The following CTNNBL1 variants were observed in gnomAD, a reference collection of about 807,000 sequenced individuals.
CTNNBL1 encodes beta-catenin-like protein 1.
In CTNNBL1, 31 loss-of-function variants were observed where a neutral mutation model predicts 72.7. The observed-to-expected ratio is 0.43, with a 90% CI of 0.32 to 0.58. The LOEUF is 0.58. Ranked by LOEUF, CTNNBL1 falls within the 20% of genes least tolerant of loss-of-function variation. The probability of loss-of-function intolerance (pLI) is 0.08; values close to 1 mark genes in which losing one functional copy is unlikely to be tolerated. For missense variants in CTNNBL1, 534 were observed against 725.1 expected, an observed-to-expected ratio of 0.74 and a Z score of 3.03; for synonymous variants, 240 against 267.3, an observed-to-expected ratio of 0.90 and a Z score of 1.00.
chr20:37,731,310 A>G (rs1421403319), intron 1 of CTNNBL1, among the ~76,000 whole-genome samples: 2 of 151,424 alleles, frequency 1.3e-5, no homozygotes, highest in Non-Finnish European at 2.9e-5. Context: ...ATCTCGGCTC[A>G]CCGCAACCTC....
chr20:37,710,470 C>T (rs902112084), intron 1 of CTNNBL1, among the ~76,000 whole-genome samples: 8 of 152,162 alleles, frequency 5.3e-5, no homozygotes, highest in African/African-American at 1.9e-4. Context: ...TTTTAGAGCT[C>T]TGTTGCTAGA....
intron 1 of CTNNBL1, among the ~76,000 whole-genome samples, chr20:37,704,355 C>G (rs1219778097): frequency 1.3e-5 from 2 of 152,114 alleles, no homozygotes; most frequent in East Asian, 3.9e-4. Flanking sequence ...GAGCGCTGCA[C>G]CTTCAGGAGT....
At chr20:37,726,295 G>A (rs2073084271) in intron 1 of CTNNBL1, among the ~76,000 whole-genome samples, 1 of 152,106 alleles carries the variant, frequency 6.6e-6, no homozygotes, top group Admixed American at 6.5e-5. Flanking sequence ...GTCTAAAATA[G>A]CCACTAGTCT....
intron 1 of CTNNBL1, among the ~76,000 whole-genome samples, chr20:37,708,832 A>G (rs1253464025): frequency 6.6e-6 from 1 of 152,142 alleles, no homozygotes; most frequent in Non-Finnish European, 1.5e-5. Flanking sequence ...ATCTAGAGTC[A>G]CTGAACTAAG....
intron 10 of CTNNBL1, among the ~76,000 whole-genome samples, chr20:37,785,913 T>C (rs2073669035): frequency 6.6e-6 from 1 of 152,222 alleles, no homozygotes; most frequent in South Asian, 2.1e-4. Flanking sequence ...TTAGAGAGTC[T>C]TGGGTGTTGT....
In CTNNBL1 at chr20:37,694,076, T is replaced by G. The variant is rs2072766395; in HGVS notation, c.-47T>G. ...GGAGCCGCGGCTGACGGGCCCGCGG[T>G]CTGGGCGTGAGTGCAGGGAAGTGGA... On this transcript the variant is annotated 5_prime_UTR_variant, in exon 1 of 16. Transcript: ENST00000361383. The G allele has an allele frequency of 5.7e-6, 9 of 1,589,982 alleles. No individual in the cohort carries two copies. The highest frequency in any genetic ancestry group is 2.3e-5 in the South Asian group (2 of 88,174).
chr20:37,850,917 G>C (rs908393514), intron 13 of CTNNBL1, among the ~76,000 whole-genome samples: 12 of 152,338 alleles, frequency 7.9e-5, no homozygotes, highest in South Asian at 4.1e-4. Flanking sequence ...TCAGCAAGGG[G>C]CAGCTCACTG....
intron 1 of CTNNBL1, among the ~76,000 whole-genome samples, chr20:37,698,330 C>T (rs1465140450): frequency 6.6e-6 from 1 of 152,220 alleles, no homozygotes; most frequent in African/African-American, 2.4e-5. Flanking sequence ...CCTTCCCCAT[C>T]GCAGGTTCCC....
intron 3 of CTNNBL1, among the ~76,000 whole-genome samples, chr20:37,738,601 A>G (rs1269293826): frequency 6.6e-6 from 1 of 152,212 alleles, no homozygotes. Flanking sequence ...TTAACAATTG[A>G]GTAGTACAGG....
At chr20:37,784,065 T>G (rs529114888) in intron 10 of CTNNBL1, among the ~76,000 whole-genome samples, 1 of 152,306 alleles carries the variant, frequency 6.6e-6, no homozygotes, top group East Asian at 1.9e-4. Context: ...ATTGTTATAT[T>G]CTTTTGCTGA....
chr20:37,803,398 A>G (rs2073838640), intron 11 of CTNNBL1, among the ~76,000 whole-genome samples: 1 of 152,204 alleles, frequency 6.6e-6, no homozygotes, highest in Admixed American at 6.5e-5. Flanking sequence ...TGTCACCTCC[A>G]GAGTGGTGCT....
chr20:37,720,645 A>T (rs1261089916), intron 1 of CTNNBL1, among the ~76,000 whole-genome samples: 1 of 152,212 alleles, frequency 6.6e-6, no homozygotes, highest in Non-Finnish European at 1.5e-5. Context: ...GGGTCTGTTG[A>T]CAGCAGCATG....
rs76388467 is a variant in CTNNBL1 at position 37,713,874 on chromosome 20, C to T, written c.31-19005C>T. Among the ~76,000 whole-genome samples the T allele has an allele frequency of 6.1e-3, 921 of 152,184 alleles. 10 individuals carry two copies. Among genetic ancestry groups the T allele is most frequent in the African/African-American group, 0.021 (878 of 41,512 alleles). ...ACTCGGTATCAAAGCCCACTGAGAG[C>T]CAGGCTTTGTGCTGTTCGACTTATG... is the stretch of plus-strand genomic sequence containing the variant. On this transcript the variant is annotated intron_variant, in intron 1 of 15. Coordinates refer to ENST00000361383, the MANE Select transcript of CTNNBL1 (RefSeq NM_030877.5).
intron 7 of CTNNBL1, among the ~76,000 whole-genome samples, chr20:37,774,910 T>G (rs1424393878): frequency 6.6e-6 from 1 of 152,246 alleles, no homozygotes; most frequent in Non-Finnish European, 1.5e-5. Context: ...ATTTCTTTTT[T>G]CTTTTTTTCA....
intron 1 of CTNNBL1, among the ~76,000 whole-genome samples, chr20:37,729,290 C>T (rs2073110645): frequency 6.6e-6 from 1 of 152,146 alleles, no homozygotes; most frequent in Non-Finnish European, 1.5e-5. Context: ...GGTATCCTGT[C>T]TCCCTGTTTA....
chr20:37,831,094 C>A (rs879422884), intron 11 of CTNNBL1, among the ~76,000 whole-genome samples: 2 of 152,246 alleles, frequency 1.3e-5, no homozygotes, highest in Admixed American at 1.3e-4. Context: ...AACTTTACCA[C>A]TGAAAACATG....
chr20:37,772,858 G>A (rs1386446083), intron 7 of CTNNBL1, among the ~76,000 whole-genome samples: 1 of 152,066 alleles, frequency 6.6e-6, no homozygotes, highest in Non-Finnish European at 1.5e-5. Flanking sequence ...TTTTGTACTG[G>A]TAGCCTAGCA....
chr20:37,792,400 C>T (rs898316969), intron 10 of CTNNBL1, among the ~76,000 whole-genome samples: 1 of 152,030 alleles, frequency 6.6e-6, no homozygotes, highest in African/African-American at 2.4e-5. Context: ...CCTCTAACTC[C>T]CGGACTCAAA....
intron 11 of CTNNBL1, among the ~76,000 whole-genome samples, chr20:37,837,052 A>G (rs2072260411): frequency 6.6e-6 from 1 of 152,142 alleles, no homozygotes; most frequent in Non-Finnish European, 1.5e-5. Context: ...AAGAGATCAC[A>G]GCTACTTCCA....
Sources: allele counts gnomAD v4.1 joint callset (sites outside exome capture counted in the v4.1 genomes callset), GRCh38; gene constraint gnomAD v4.1.1; transcripts MANE v1.5; gene names NCBI Gene and HGNC (gene_info 2026-07-23, HGNC 2026-07-21).